Variants in ITSN2 observed in about 807,000 individuals in gnomAD.
ITSN2 encodes the protein intersectin 2.
ITSN2 carries 156 observed loss-of-function variants against 243.7 expected under a neutral mutation model. That is an observed-to-expected ratio of 0.64 (90% CI 0.56 to 0.73). ITSN2 has a LOEUF of 0.73. Among genes scored for constraint, ITSN2 ranks in the 30% least tolerant of loss-of-function variants. The pLI, the probability that ITSN2 is intolerant of heterozygous loss-of-function variation, is 0.00. For synonymous variants in ITSN2, 703 were observed against 699.9 expected (o/e 1.00, Z -0.07); for missense variants, 1,801 against 1,996.1 (o/e 0.90, Z 1.86).
chr2:24,209,532 C>G, intron 35 of ITSN2, among the ~76,000 whole-genome samples: 1 of 152,210 alleles, frequency 6.6e-6, no homozygotes, highest in East Asian at 1.9e-4. Context: ...TGGGGCTCGG[C>G]TTACAGAGAC....
intron 2 of ITSN2, among the ~76,000 whole-genome samples, chr2:24,323,461 C>A (rs1684810567): frequency 6.6e-6 from 1 of 152,166 alleles, no homozygotes; most frequent in Non-Finnish European, 1.5e-5. Context: ...TGCTAAGTCA[C>A]AGAAGCCAGA....
chr2:24,208,773 A>G (rs1669183714), intron 36 of ITSN2, among the ~76,000 whole-genome samples: 1 of 152,218 alleles, frequency 6.6e-6, no homozygotes, highest in Admixed American at 6.5e-5. Context: ...CTGTGGCCCA[A>G]GGAGGCCTCG....
chr2:24,259,345 T>C (rs1675504675), intron 22 of ITSN2, among the ~76,000 whole-genome samples: 1 of 152,244 alleles, frequency 6.6e-6, no homozygotes, highest in Non-Finnish European at 1.5e-5. Context: ...TTAATTACCA[T>C]AGCACTTGTT....
At chr2:24,334,985 C>T in intron 1 of ITSN2, 2 of 305,048 alleles carry the variant, frequency 6.6e-6, no homozygotes, top group Non-Finnish European at 1.2e-5. Flanking sequence ...ATGGCGTGAA[C>T]CCGGGAGGCG....
At chr2:24,245,616 C>T (rs937830003) in intron 29 of ITSN2, among the ~76,000 whole-genome samples, 20 of 151,972 alleles carry the variant, frequency 1.3e-4, no homozygotes, top group Non-Finnish European at 2.8e-4. Context: ...GTAGCTGAAA[C>T]TACAAGCACG....
Position 24,360,476 on chromosome 2 carries a change from G to C in ITSN2, c.-206C>G, listed in dbSNP as rs904420789. 2 of 152,066 alleles carry C rather than the reference G, an allele frequency of 1.3e-5. No homozygotes were observed. The highest frequency in any genetic ancestry group is 2.4e-5 in the African/African-American group (1 of 41,390). The allele number at this position is 152,066 out of a possible 1,614,324, so 9.4% of individuals were successfully genotyped here. On this transcript the variant is annotated 5_prime_UTR_variant, in exon 1 of 40. Coordinates refer to ENST00000355123, the MANE Select transcript of ITSN2 (RefSeq NM_006277.3). The stretch of plus-strand genomic sequence containing the variant: ...CGAACCTGTTGCGTAGCCTGTCACA[G>C]CCGCTCAGGGCTCCGCCGGCGCCGC...
In ITSN2 at chr2:24,225,804, C is replaced by T. The variant is rs926410960; in HGVS notation, c.3578-4738G>A. On this transcript the variant is annotated intron_variant, in intron 29 of 39. Coordinates refer to ENST00000355123, the MANE Select transcript of ITSN2 (RefSeq NM_006277.3). This position sits in a 1 kb window ranked among gnomAD's most constrained non-coding sequence, Gnocchi z 4.2. The stretch of plus-strand genomic sequence containing the variant: ...TTTGATGAGCTCAGGGTTCCCAACA[C>T]GTATTTGACCACAGAATCCTCTTTT... Among the ~76,000 whole-genome samples the T allele has an allele frequency of 2.3e-4, 35 of 152,156 alleles. No homozygotes were observed. Among genetic ancestry groups the T allele is most frequent in the African/African-American group, 6.5e-4 (27 of 41,428 alleles).
intron 3 of ITSN2, among the ~76,000 whole-genome samples, chr2:24,314,887 A>AT (rs1683718595): frequency 6.6e-6 from 1 of 152,262 alleles, no homozygotes; most frequent in South Asian, 2.1e-4. Flanking sequence ...AAACCAGACA[A>AT]TTACACAGAA....
chr2:24,204,750 A>AAAAC lies in ITSN2; in HGVS notation c.4763-336_4763-333dup, dbSNP rs1225373743. On this transcript the variant is annotated intron_variant, in intron 38 of 39. Transcript: ENST00000355123. This position sits in a 1 kb window ranked among gnomAD's most constrained non-coding sequence, Gnocchi z 5.1. ...AAGGCGGGCACTGGCACTTACTGGG[A>AAAAC]AAACAGTGATAAGAATATTGGTCCA... 5.8e-6 allele frequency: 3 copies of AAAAC among 512,936 alleles called. No individual in the cohort carries two copies. Among genetic ancestry groups the AAAAC allele is most frequent in the African/African-American group, 1.9e-5 (1 of 52,462 alleles). 31.8% of individuals were successfully genotyped at this position (512,936 alleles called of 1,614,324 possible). A position where few individuals can be genotyped will look rare whatever the true frequency, so the allele number is the denominator to read the frequency against.
chr2:24,233,680 A>G (rs563532086), intron 29 of ITSN2, among the ~76,000 whole-genome samples: 1 of 152,290 alleles, frequency 6.6e-6, no homozygotes, highest in East Asian at 1.9e-4. Context: ...TATTTCTAGT[A>G]TCTATTATGT....
intron 3 of ITSN2, among the ~76,000 whole-genome samples, chr2:24,314,018 G>A (rs1683602213): frequency 1.3e-5 from 2 of 152,086 alleles, no homozygotes; most frequent in South Asian, 2.1e-4. Flanking sequence ...ATCCGGTAAC[G>A]TTTCCCACTG....
intron 20 of ITSN2, among the ~76,000 whole-genome samples, chr2:24,265,698 TAC>T (rs1412580301): frequency 1.3e-5 from 2 of 152,338 alleles, no homozygotes; most frequent in African/African-American, 4.8e-5. Context: ...ACTCTGAAAT[TAC>T]AGTTTCTTTG....
intron 29 of ITSN2, chr2:24,242,254 G>A (rs1672817861): frequency 6.6e-6 from 1 of 152,460 alleles, no homozygotes. Flanking sequence ...CAAATTAGGT[G>A]GGTGAGATAA....
rs1267930685 is a variant in ITSN2 at position 24,304,088 on chromosome 2, CCT to C, written c.794-228_794-227del. Among the ~76,000 whole-genome samples the C allele has an allele frequency of 5.3e-5, 8 of 152,312 alleles. No homozygotes were observed. In the East Asian group the frequency reaches 7.7e-4, roughly 15 times the overall value. On this transcript the variant is annotated intron_variant, in intron 8 of 39. Coordinates refer to ENST00000355123, the MANE Select transcript of ITSN2 (RefSeq NM_006277.3). The stretch of plus-strand genomic sequence containing the variant: ...GAATTAGCAGTATCAAGTGCTGTCC[CCT>C]GTCTTTTCAGCAAGATAATAATACA...
Position 24,246,244 on chromosome 2 carries a change from A to T in ITSN2, c.3462T>A (p.Ile1154=), listed in dbSNP as rs1673352679. Residue 1154 remains isoleucine, a synonymous_variant, in exon 29 of 40, where the codon ATT becomes ATA. Transcript: ENST00000355123. ...CAGGATCATCTTTGTTCATAACATT[A>T]ATGAGTTGTCCCTTGGAGAAACTGA... The part of the protein sequence containing the change: ...DELSFSKGQL[I]NVMNKDDPDW... 2.5e-6 allele frequency: 4 copies of T among 1,612,892 alleles called. No individual in the cohort carries two copies. Among genetic ancestry groups the T allele is most frequent in the Non-Finnish European group, 2.5e-6 (3 of 1,179,094 alleles).
rs369244541 is a variant in ITSN2, at chr2:24,248,675, A to G, written c.3242T>C (p.Leu1081Ser). ...QLSLAPGQLI[L>S]ILKKNTSGWW... Reference sequence around the variant, plus strand: ...CCCACTTGTATTTTTCTTTAGAATTAATATTAACTGTCCTGGTGCAAGGCT... The same window carrying G: ...CCCACTTGTATTTTTCTTTAGAATTGATATTAACTGTCCTGGTGCAAGGCT... Residue 1081 changes from leucine to serine, a missense_variant, in exon 27 of 40, where the codon TTA becomes TCA. Leu to Ser is a moderately radical substitution (Grantham distance 145). Coordinates refer to ENST00000355123, the MANE Select transcript of ITSN2 (RefSeq NM_006277.3). 3 of 1,611,558 alleles carry G rather than the reference A, an allele frequency of 1.9e-6. No individual in the cohort carries two copies. In the African/African-American group the frequency reaches 4.0e-5, roughly 22 times the overall value.
chr2:24,287,018 G>T (rs1413352282), intron 15 of ITSN2, among the ~76,000 whole-genome samples: 3 of 152,112 alleles, frequency 2.0e-5, no homozygotes, highest in Admixed American at 2.0e-4. Context: ...TATTTTTGAA[G>T]TACAGAAGTA....
At chr2:24,265,756 C>T (rs115604908) in intron 20 of ITSN2, among the ~76,000 whole-genome samples, 2,831 of 152,216 alleles carry the variant, frequency 0.019, 39 homozygotes, top group Non-Finnish European at 0.026. Flanking sequence ...ACCATTTGTT[C>T]GATATTCTAG....
chr2:24,303,806 T>C lies in ITSN2; in HGVS notation c.850A>G (p.Thr284Ala). Residue 284 changes from threonine (T) to alanine (A), a missense_variant, in exon 9 of 40, where the codon ACT becomes GCT. Coordinates refer to ENST00000355123, the MANE Select transcript of ITSN2 (RefSeq NM_006277.3). The stretch of plus-strand genomic sequence containing the variant: ...ATTAAGGGACAAACTTACCAAATAG[T>C]AGCCAGCTGAGTTTGAGAAAGATTT... ...QSNLSQTQLA[T>A]IWTLADVDGD... 1.3e-6 allele frequency: 2 copies of C among 1,598,954 alleles called. No individual in the cohort carries two copies. Among genetic ancestry groups the C allele is most frequent in the Non-Finnish European group, 1.7e-6 (2 of 1,166,242 alleles).
Sources: allele counts gnomAD v4.1 joint callset (sites outside exome capture counted in the v4.1 genomes callset), GRCh38; gene constraint gnomAD v4.1.1; non-coding constraint Gnocchi (gnomAD v3.1); transcripts MANE v1.5; gene names NCBI Gene and HGNC (gene_info 2026-07-23, HGNC 2026-07-21).